The following ADGRA3 variants were observed in gnomAD, a reference collection of about 807,000 sequenced individuals.
ADGRA3 encodes G-protein coupled receptor 125.
A neutral mutation model predicts 119.8 loss-of-function variants in ADGRA3; 56 were observed. The ratio of observed to expected loss-of-function variants is 0.47; its 90% CI spans 0.38 to 0.58. The LOEUF (loss-of-function observed/expected upper bound fraction) is 0.58. ADGRA3 is among the 20% of genes least tolerant of loss of function. The pLI, the probability that ADGRA3 is intolerant of heterozygous loss-of-function variation, is 0.00. For synonymous variants in ADGRA3, 607 were observed against 623.8 expected, an observed-to-expected ratio of 0.97 and a Z score of 0.40; for missense variants, 1,516 against 1,649.0, an observed-to-expected ratio of 0.92 and a Z score of 1.40.
rs566436609 is a variant in ADGRA3, at chr4:22,466,022, C to T, written c.330-4214G>A. ...AGGTTGTAAACCACACAAGTTCTCACCTGTGTCCGATTCTCCATTTGAAGT... is the reference window on the plus strand; with the variant it reads ...AGGTTGTAAACCACACAAGTTCTCATCTGTGTCCGATTCTCCATTTGAAGT... On this transcript the variant is annotated intron_variant, in intron 2 of 18. Coordinates refer to ENST00000334304, the MANE Select transcript of ADGRA3 (RefSeq NM_145290.4). 1.7e-3 allele frequency among the ~76,000 whole-genome samples: 256 copies of T among 152,270 alleles called. 1 individual carries two copies. The highest frequency in any genetic ancestry group is 3.4e-3 in the Middle Eastern group (1 of 294).
At chr4:22,431,158 CCA>C (rs1491407362) in intron 10 of ADGRA3, among the ~76,000 whole-genome samples, 2 of 152,116 alleles carry the variant, frequency 1.3e-5, no homozygotes, top group Non-Finnish European at 2.9e-5. Flanking sequence ...GTCAGAGCGC[CCA>C]CACAGAGTCC....
intron 14 of ADGRA3, among the ~76,000 whole-genome samples, chr4:22,412,471 C>A (rs529114064): frequency 6.6e-6 from 1 of 152,148 alleles, no homozygotes; most frequent in East Asian, 1.9e-4. Flanking sequence ...TAAAACTTTT[C>A]AAAGAAAATG....
chr4:22,421,881 C>CCAAAAAAAAAAAAAAAAAAAAA (rs767609157), intron 11 of ADGRA3, among the ~76,000 whole-genome samples: 2 of 70,442 alleles, frequency 2.8e-5, no homozygotes, highest in African/African-American at 1.3e-4. Context: ...ACTCAGTCTC[C>CCAAAAAAAAAAAAAAAAAAAAA]AAAAAAAAAA....
In ADGRA3 at chr4:22,443,693, TA is replaced by T. The variant is rs1438875557; in HGVS notation, c.707-831del. Among the ~76,000 whole-genome samples, 6 of 152,086 alleles carry T rather than the reference TA, an allele frequency of 3.9e-5. No homozygotes were observed. In the East Asian group the frequency reaches 1.2e-3, roughly 29 times the overall value. ...AAAATACATTTACATTAATTCAACT[TA>T]AAAAAGGTTATAAAATATCATTAGA... On this transcript the variant is annotated intron_variant, in intron 6 of 18. Transcript: ENST00000334304.
chr4:22,438,634 G>A (rs1716489947), intron 7 of ADGRA3, among the ~76,000 whole-genome samples: 3 of 152,102 alleles, frequency 2.0e-5, no homozygotes, highest in Admixed American at 2.0e-4. Flanking sequence ...TACACAATCA[G>A]GGCAATAAGA....
chr4:22,469,819 A>G (rs1560333228), intron 2 of ADGRA3, among the ~76,000 whole-genome samples: 1 of 152,198 alleles, frequency 6.6e-6, no homozygotes, highest in Non-Finnish European at 1.5e-5. Flanking sequence ...CATCTCATCC[A>G]GCATGAGCAA....
intron 16 of ADGRA3, chr4:22,393,538 T>G (rs1714226300): frequency 6.6e-6 from 1 of 152,154 alleles, no homozygotes; most frequent in African/African-American, 2.4e-5. Flanking sequence ...TTTTCCTTGA[T>G]TTTTAAACTG....
At position 22,388,926 on chromosome 4, in the gene ADGRA3, G is replaced by C; in HGVS notation, c.2745C>G (p.Pro915=). Residue 915 remains proline (P), a synonymous_variant, in exon 19 of 19, where the codon CCC becomes CCG. Transcript: ENST00000334304. ...NAPYCWMAWE[P]SLGAFYGPAS... is the part of the protein sequence containing the mutation. ...CTGGCCCATAGAAGGCTCCCAAGGAGGGTTCCCATGCCATCCAGCAACTGG... is the reference window on the plus strand; with the variant it reads ...CTGGCCCATAGAAGGCTCCCAAGGACGGTTCCCATGCCATCCAGCAACTGG... 6.2e-7 allele frequency: 1 copy of C among 1,613,774 alleles called. No individual in the cohort carries two copies. The highest frequency in any genetic ancestry group is 8.5e-7 in the Non-Finnish European group (1 of 1,179,828).
rs1716783272 is a variant in ADGRA3 at position 22,445,132 on chromosome 4, C to T, written c.547G>A (p.Glu183Lys). The T allele has an allele frequency of 4.3e-6, 7 of 1,613,278 alleles. No homozygotes were observed. The highest frequency in any genetic ancestry group is 5.9e-6 in the Non-Finnish European group (7 of 1,179,452). The stretch of plus-strand genomic sequence containing the variant: ...CACAAAAGATACTCAGTCTGGAATT[C>T]CCTGTAACATGCAAATACAACTTAG... The part of the protein sequence containing the change: ...FDYLASLRSL[E>K]FQTEYLLCDC... The change falls in exon 6 of 19, where the codon GAA (glutamate) becomes AAA (lysine). Residue 183 changes from glutamate to lysine, a missense_variant and splice_region_variant. By Grantham distance (56) the Glu-to-Lys change is moderately conservative. Coordinates refer to ENST00000334304, the MANE Select transcript of ADGRA3 (RefSeq NM_145290.4).
At chr4:22,418,220 A>G (rs1265205902) in intron 12 of ADGRA3, among the ~76,000 whole-genome samples, 2 of 152,196 alleles carry the variant, frequency 1.3e-5, no homozygotes, top group African/African-American at 4.8e-5. Flanking sequence ...CTGGTGACCA[A>G]CTGAAGCCAG....
chr4:22,464,413 C>T (rs892248164), intron 2 of ADGRA3, among the ~76,000 whole-genome samples: 2 of 152,186 alleles, frequency 1.3e-5, no homozygotes, highest in African/African-American at 4.8e-5. Context: ...GTCAGGTAAA[C>T]TCACAAATCC....
At chr4:22,407,770 TTTAC>T (rs1715001719) in intron 14 of ADGRA3, among the ~76,000 whole-genome samples, 1 of 152,214 alleles carries the variant, frequency 6.6e-6, no homozygotes, top group Admixed American at 6.5e-5. Flanking sequence ...TTTAGAACTG[TTTAC>T]TTGTCAGAGA....
At chr4:22,509,789 T>C (rs1351764439) in intron 1 of ADGRA3, among the ~76,000 whole-genome samples, 1 of 151,774 alleles carries the variant, frequency 6.6e-6, no homozygotes, top group Non-Finnish European at 1.5e-5. Context: ...GGCGGGCGGA[T>C]CACGAGGTCA....
chr4:22,513,592 A>G (rs1020692789), intron 1 of ADGRA3, among the ~76,000 whole-genome samples: 36 of 151,332 alleles, frequency 2.4e-4, no homozygotes, highest in African/African-American at 8.8e-4. Flanking sequence ...GCTCACTGCA[A>G]TCTCCACCTC....
chr4:22,451,203 A>G (rs1717029951), intron 4 of ADGRA3, among the ~76,000 whole-genome samples: 1 of 152,042 alleles, frequency 6.6e-6, no homozygotes, highest in Non-Finnish European at 1.5e-5. Context: ...ATAAATACAT[A>G]TATTTCTGAT....
At chr4:22,408,347 GGA>G (rs1491226103) in intron 14 of ADGRA3, among the ~76,000 whole-genome samples, 3 of 35,906 alleles carry the variant, frequency 8.4e-5, no homozygotes, top group African/African-American at 2.6e-4. Context: ...ACAATATTGA[GGA>G]AAAAAAAAGG....
chr4:22,454,325 G>A (rs889117503), intron 4 of ADGRA3, among the ~76,000 whole-genome samples: 5 of 151,910 alleles, frequency 3.3e-5, no homozygotes, highest in African/African-American at 4.8e-5. Flanking sequence ...CTTTGTAGAC[G>A]AAAAACAGAA....
At chr4:22,466,107 C>G (rs1302276312) in intron 2 of ADGRA3, among the ~76,000 whole-genome samples, 3 of 152,098 alleles carry the variant, frequency 2.0e-5, no homozygotes, top group Non-Finnish European at 4.4e-5. Context: ...CAAAAAGATC[C>G]ACAGTCCCTC....
At chr4:22,498,646 T>G (rs576148523) in intron 1 of ADGRA3, among the ~76,000 whole-genome samples, 15 of 152,016 alleles carry the variant, frequency 9.9e-5, no homozygotes, top group African/African-American at 3.6e-4. Context: ...CCAGGCGCGG[T>G]GGCTCACGCC....
Sources: gnomAD v4.1 joint callset for allele counts (sites outside exome capture counted in the v4.1 genomes callset) on GRCh38, gnomAD v4.1.1 for gene constraint, MANE v1.5 for transcripts, NCBI Gene and HGNC (gene_info 2026-07-23, HGNC 2026-07-21) for gene names.